The following ARHGAP39 variants were observed in gnomAD, a reference collection of about 807,000 sequenced individuals.
The protein encoded by ARHGAP39 is Rho GTPase activating protein 39, also known as rho GTPase-activating protein 39.
ARHGAP39 carries 44 observed loss-of-function variants against 106.9 expected under a neutral mutation model. That is an observed-to-expected ratio of 0.41 (90% CI 0.32 to 0.53). The LOEUF (loss-of-function observed/expected upper bound fraction) is 0.53, where lower values mean the gene tolerates loss of function less well. Among genes scored for constraint, ARHGAP39 ranks in the 20% least tolerant of loss-of-function variants. The pLI, the probability that ARHGAP39 is intolerant of heterozygous loss-of-function variation, is 0.21. For missense variants in ARHGAP39, 1,496 were observed against 1,577.3 expected, an observed-to-expected ratio of 0.95 and a Z score of 0.87; for synonymous variants, 768 against 693.2, an observed-to-expected ratio of 1.11 and a Z score of -1.69.
rs538101241 is a variant in ARHGAP39, at chr8:144,583,795, A to T, written c.81-2518T>A. 9.2e-5 allele frequency among the ~76,000 whole-genome samples: 14 copies of T among 152,348 alleles called. No homozygotes were observed. The South Asian group carries it at 2.9e-3, about 32-fold the overall frequency. On this transcript the variant is annotated intron_variant, in intron 2 of 11. Coordinates refer to ENST00000377307, the MANE Select transcript of ARHGAP39 (RefSeq NM_025251.3). ...CAATATTCACAAGATTACTACTGTC[A>T]TTGGAAAAAAAACCCACATATTATC...
At chr8:144,567,527 C>G (rs563573530) in intron 3 of ARHGAP39, among the ~76,000 whole-genome samples, 4 of 152,272 alleles carry the variant, frequency 2.6e-5, no homozygotes, top group South Asian at 4.1e-4. Flanking sequence ...GAAGACTCTA[C>G]TCCTCCACCT....
chr8:144,598,579 G>A (rs562679679), intron 2 of ARHGAP39, among the ~76,000 whole-genome samples: 1 of 152,222 alleles, frequency 6.6e-6, no homozygotes, highest in Non-Finnish European at 1.5e-5. Context: ...CTAACAAATG[G>A]CACGGGGACA....
At chr8:144,562,110 TCGGAC>T (rs1818200334) in intron 3 of ARHGAP39, among the ~76,000 whole-genome samples, 3 of 146,998 alleles carry the variant, frequency 2.0e-5, no homozygotes, top group African/African-American at 7.7e-5. Context: ...GTGGTTTCCA[TCGGAC>T]TTACTCCAGT....
At position 144,604,749 on chromosome 8, in the gene ARHGAP39, A is replaced by G. The variant is rs1449838301; in HGVS notation, c.80+786T>C. ...CTGGAGGCATGGGACACTGGCTGAGACGGGACAGGGCCAGATTTACTTGTG... is the reference window on the plus strand; with the variant it reads ...CTGGAGGCATGGGACACTGGCTGAGGCGGGACAGGGCCAGATTTACTTGTG... On this transcript the variant is annotated intron_variant, in intron 2 of 11. Coordinates refer to ENST00000377307, the MANE Select transcript of ARHGAP39 (RefSeq NM_025251.3). The surrounding 1 kb of genome is among the most constrained non-coding windows in gnomAD (Gnocchi z 4.1). 6.6e-6 allele frequency among the ~76,000 whole-genome samples: 1 copy of G among 152,144 alleles called. No individual in the cohort carries two copies. The highest frequency in any genetic ancestry group is 1.5e-5 in the Non-Finnish European group (1 of 68,016).
chr8:144,696,520 T>C, the ARHGAP39 span, among the ~76,000 whole-genome samples: 6 of 152,208 alleles, frequency 3.9e-5, no homozygotes, highest in African/African-American at 9.6e-5. Context: ...TAAATAAATA[T>C]GCCTAATCTG....
chr8:144,658,479 T>C (rs1243467908), intron 1 of ARHGAP39, among the ~76,000 whole-genome samples: 1 of 152,228 alleles, frequency 6.6e-6, no homozygotes, highest in Non-Finnish European at 1.5e-5. Flanking sequence ...TTCTCCATGT[T>C]GGTCAGGCTG....
intron 6 of ARHGAP39, among the ~76,000 whole-genome samples, chr8:144,540,755 T>A (rs1246187945): frequency 1.3e-5 from 2 of 152,030 alleles, no homozygotes; most frequent in Admixed American, 1.3e-4. Flanking sequence ...AGCAGTGACG[T>A]CACCACTGCA....
intron 1 of ARHGAP39, among the ~76,000 whole-genome samples, chr8:144,649,881 A>G (rs979953370): frequency 6.6e-6 from 1 of 152,220 alleles, no homozygotes; most frequent in Non-Finnish European, 1.5e-5. Context: ...ATTCTTGGAC[A>G]TGCCTGTAAT....
At chr8:144,683,871 C>T (rs148351546) in intron 1 of ARHGAP39, among the ~76,000 whole-genome samples, 283 of 152,250 alleles carry the variant, frequency 1.9e-3, no homozygotes, top group Middle Eastern at 6.8e-3. Flanking sequence ...AGCACATGCA[C>T]CCCGGAAGCA....
At chr8:144,551,922 C>T (rs1295723744) in intron 4 of ARHGAP39, among the ~76,000 whole-genome samples, 1 of 152,198 alleles carries the variant, frequency 6.6e-6, no homozygotes, top group Non-Finnish European at 1.5e-5. Flanking sequence ...TCCCATCTCT[C>T]CAGGGCAAGT....
At chr8:144,616,003 C>A (rs937118098) in intron 1 of ARHGAP39, among the ~76,000 whole-genome samples, 1 of 152,252 alleles carries the variant, frequency 6.6e-6, no homozygotes, top group Non-Finnish European at 1.5e-5. Context: ...GCTTCTTCAC[C>A]TTTCTGGGAG....
chr8:144,658,227 A>C lies in ARHGAP39; in HGVS notation c.-82+27459T>G, dbSNP rs532679573. Among the ~76,000 whole-genome samples, 4 of 151,830 alleles carry C rather than the reference A, an allele frequency of 2.6e-5. No homozygotes were observed. In the South Asian group the frequency reaches 8.3e-4, roughly 32 times the overall value. On this transcript the variant is annotated intron_variant, in intron 1 of 11. Coordinates refer to ENST00000377307, the MANE Select transcript of ARHGAP39 (RefSeq NM_025251.3). ...CAGGTTCAGGTGATTCTCCTGCCTCAGCCTCCCAAGTAGCTGGAATTACAG... is the reference window on the plus strand; with the variant it reads ...CAGGTTCAGGTGATTCTCCTGCCTCCGCCTCCCAAGTAGCTGGAATTACAG...
At position 144,604,902 on chromosome 8, in the gene ARHGAP39, G is replaced by A. The variant is rs1051922979; in HGVS notation, c.80+633C>T. On this transcript the variant is annotated intron_variant, in intron 2 of 11. Coordinates refer to ENST00000377307, the MANE Select transcript of ARHGAP39 (RefSeq NM_025251.3). This position sits in a 1 kb window ranked among gnomAD's most constrained non-coding sequence, Gnocchi z 4.1. ...ACAGGGTCTCTGGGCAAGGGCACTC[G>A]AGCACTCATGGGGCTGTTCTTATTC... is the stretch of plus-strand genomic sequence containing the variant. Among the ~76,000 whole-genome samples, 1 of 152,232 alleles carries A rather than the reference G, an allele frequency of 6.6e-6. No individual in the cohort carries two copies. The highest frequency in any genetic ancestry group is 1.5e-5 in the Non-Finnish European group (1 of 68,040).
intron 1 of ARHGAP39, among the ~76,000 whole-genome samples, chr8:144,648,966 TC>T (rs1821510314): frequency 6.6e-6 from 1 of 151,258 alleles, no homozygotes; most frequent in Admixed American, 6.6e-5. Flanking sequence ...AGCAAATCAA[TC>T]CCAAAGCTAA....
chr8:144,592,523 C>T (rs1445983085), intron 2 of ARHGAP39, among the ~76,000 whole-genome samples: 1 of 139,272 alleles, frequency 7.2e-6, no homozygotes, highest in African/African-American at 2.8e-5. Flanking sequence ...AGGGCACCTC[C>T]TGGGGGACAG....
chr8:144,678,657 C>T (rs1377303073), intron 1 of ARHGAP39, among the ~76,000 whole-genome samples: 2 of 152,226 alleles, frequency 1.3e-5, no homozygotes, highest in Admixed American at 6.5e-5. Flanking sequence ...CCTAGACGCT[C>T]TGAGCCTGGC....
upstream of ARHGAP39, among the ~76,000 whole-genome samples, chr8:144,687,964 TTCCCAACCCC>T: frequency 8.0e-6 from 1 of 124,238 alleles, no homozygotes; most frequent in African/African-American, 2.9e-5. Context: ...CAGTGAGCAC[TTCCCAACCCC>T]GTGACCACAT....
At chr8:144,602,464 T>A (rs1392328636) in intron 2 of ARHGAP39, among the ~76,000 whole-genome samples, 3 of 135,238 alleles carry the variant, frequency 2.2e-5, no homozygotes, top group Middle Eastern at 4.8e-3. Flanking sequence ...CTCGTGTACC[T>A]GTGCATGTGC....
At position 144,533,989 on chromosome 8, in the gene ARHGAP39, G is replaced by A. The variant is rs115476098; in HGVS notation, c.2688+140C>T. 0.045 allele frequency: 42,484 copies of A among 949,898 alleles called. 1,140 individuals are homozygous for A. The highest frequency in any genetic ancestry group is 0.056 in the Non-Finnish European group (35,549 of 632,560). 58.8% of individuals were successfully genotyped at this position (949,898 alleles called of 1,614,324 possible). A position where few individuals can be genotyped will look rare whatever the true frequency, so the allele number is the denominator to read the frequency against. On this transcript the variant is annotated intron_variant, in intron 8 of 11. Coordinates refer to ENST00000377307, the MANE Select transcript of ARHGAP39 (RefSeq NM_025251.3). ...ACACGGGGTCAGCCTAGCGTACCCC[G>A]CCACCCGCCTAGGCGGGCTCCATGT... is the stretch of plus-strand genomic sequence containing the variant.
Sources: allele counts gnomAD v4.1 joint callset (sites outside exome capture counted in the v4.1 genomes callset), GRCh38; gene constraint gnomAD v4.1.1; non-coding constraint Gnocchi (gnomAD v3.1); transcripts MANE v1.5; gene names NCBI Gene and HGNC (gene_info 2026-07-23, HGNC 2026-07-21).